PSMD11: variants seen among roughly 807,000 people sequenced by gnomAD.
PSMD11 encodes the protein 26S proteasome non-ATPase regulatory subunit 11.
In PSMD11, 5 loss-of-function variants were observed where a neutral mutation model predicts 62.3. The observed-to-expected ratio is 0.08, with a 90% CI of 0.04 to 0.17. The LOEUF is 0.17. PSMD11 is among the 10% of genes least tolerant of loss of function. The pLI, the probability that PSMD11 is intolerant of heterozygous loss-of-function variation, is 1.00. For synonymous variants in PSMD11, 191 were observed against 191.8 expected (o/e 1.00, Z 0.03); for missense variants, 310 against 512.9 (o/e 0.60, Z 3.82).
chr17:32,473,936 T>C lies in PSMD11; in HGVS notation c.779T>C (p.Met260Thr), dbSNP rs538012652. ...SLKYMLLCKI[M>T]LNTPEDVQAL... ...AAGTACATGTTGCTGTGCAAAATCA[T>C]GCTCAACACGTAGGTGCACCTTAAC... The change falls in exon 7 of 14, where the codon ATG becomes ACG. Residue 260 changes from methionine (M) to threonine (T), a missense_variant. Coordinates refer to ENST00000261712, the MANE Select transcript of PSMD11 (RefSeq NM_002815.4). 1 of 1,614,178 alleles carries C rather than the reference T, an allele frequency of 6.2e-7. No individual in the cohort carries two copies. Among genetic ancestry groups the C allele is most frequent in the South Asian group, 1.1e-5 (1 of 91,078 alleles).
Position 32,446,951 on chromosome 17 carries a change from G to A in PSMD11, c.98G>A (p.Arg33His). 3.1e-6 allele frequency: 5 copies of A among 1,609,088 alleles called. No individual in the cohort carries two copies. Among genetic ancestry groups the A allele is most frequent in the Non-Finnish European group, 4.2e-6 (5 of 1,177,406 alleles). The change falls in exon 2 of 14, where the codon CGT (arginine) becomes CAT (histidine). Residue 33 changes from arginine to histidine, a missense_variant. By Grantham distance (29) the Arg-to-His change is conservative (BLOSUM62 0). Around this residue, in one of 6 missense-constraint regions of PSMD11, gnomAD observed 50 missense variants for 94.4 expected, o/e 0.53. Coordinates refer to ENST00000261712, the MANE Select transcript of PSMD11 (RefSeq NM_002815.4). ...SIDILHSIVK[R>H]DIQENDEEAV... ...TTGCATTTTCCTCTCCCAGTGAAGC[G>A]TGACATTCAGGAAAACGATGAAGAG...
intron 5 of PSMD11, among the ~76,000 whole-genome samples, chr17:32,467,005 C>T (rs1165122779): frequency 3.3e-5 from 5 of 152,028 alleles, no homozygotes; most frequent in Admixed American, 6.5e-5. Flanking sequence ...AGTGCAGTGG[C>T]GTGATCTTGG....
chr17:32,475,385 G>A (rs1908287783), intron 8 of PSMD11, among the ~76,000 whole-genome samples: 1 of 151,520 alleles, frequency 6.6e-6, no homozygotes, highest in Non-Finnish European at 1.5e-5. Context: ...TGACTTCTGA[G>A]AGCAGACAGT....
At chr17:32,463,179 T>C (rs1254289061) in intron 3 of PSMD11, among the ~76,000 whole-genome samples, 6 of 152,350 alleles carry the variant, frequency 3.9e-5, no homozygotes, top group East Asian at 1.9e-4. Context: ...AAAGCTAGCA[T>C]GTCAGGGATA....
intron 3 of PSMD11, chr17:32,454,890 C>T (rs1296825731): frequency 1.2e-5 from 4 of 322,408 alleles, no homozygotes; most frequent in Non-Finnish European, 2.3e-5. Flanking sequence ...ATTGTATTGC[C>T]ACACCTTTGT....
At chr17:32,480,349 A>C in intron 12 of PSMD11, 140 bp from the exon 13 acceptor site, 3 of 1,442,202 alleles carry the variant, frequency 2.1e-6, no homozygotes, top group Non-Finnish European at 2.9e-6. Context: ...TGTAATAAGC[A>C]TGTGTACATG....
At position 32,469,019 on chromosome 17, in the gene PSMD11, T is replaced by C. The variant is rs1462433253; in HGVS notation, c.469T>C (p.Leu157=). ...LHLGSQLLRE[L]KKMDDKALLV... is the part of the protein sequence containing the mutation. ...TTCAGGTTCTCAGCTGCTGCGGGAG[T>C]TGAAAAAGATGGACGACAAAGCTCT... Residue 157 remains leucine, a synonymous_variant, in exon 6 of 14, where the codon TTG becomes CTG. Coordinates refer to ENST00000261712, the MANE Select transcript of PSMD11 (RefSeq NM_002815.4). 5 of 1,613,230 alleles carry C rather than the reference T, an allele frequency of 3.1e-6. No individual in the cohort carries two copies. Among genetic ancestry groups the C allele is most frequent in the Non-Finnish European group, 4.2e-6 (5 of 1,179,788 alleles).
At chr17:32,459,432 T>G (rs1907758440) in intron 3 of PSMD11, among the ~76,000 whole-genome samples, 1 of 151,936 alleles carries the variant, frequency 6.6e-6, no homozygotes. Flanking sequence ...GAGATGGGAT[T>G]TTGCTATGTT....
chr17:32,451,824 G>A (rs1338971814), intron 2 of PSMD11, among the ~76,000 whole-genome samples: 2 of 152,010 alleles, frequency 1.3e-5, no homozygotes, highest in Non-Finnish European at 2.9e-5. Context: ...CTGCAGCCTC[G>A]ACCTCCTGGG....
At chr17:32,471,345 A>G (rs1383031364) in intron 6 of PSMD11, among the ~76,000 whole-genome samples, 4 of 152,222 alleles carry the variant, frequency 2.6e-5, no homozygotes, top group Non-Finnish European at 5.9e-5. Context: ...CAACTATGGT[A>G]TATCAGTCTG....
intron 5 of PSMD11, among the ~76,000 whole-genome samples, chr17:32,466,158 G>C (rs774948762): frequency 6.6e-6 from 1 of 152,122 alleles, no homozygotes; most frequent in Non-Finnish European, 1.5e-5. Flanking sequence ...ACCATGCCTG[G>C]CTAATTTTTG....
rs1408517676 is a variant in PSMD11 at position 32,464,110 on chromosome 17, A to C, written c.380A>C (p.Gln127Pro). Reference protein sequence around the residue: ...AKSEKRTFLRQALEARLVSLY... With the variant: ...AKSEKRTFLRPALEARLVSLY... ...TCAGAGAAAAGAACTTTCTTACGCC[A>C]AGCTTTGGAGGTAGGTTTTACATTA... is the stretch of plus-strand genomic sequence containing the variant. The change falls in exon 4 of 14, where the codon CAA becomes CCA. Residue 127 changes from glutamine to proline, a missense_variant. Gln to Pro is a moderately conservative substitution (Grantham distance 76). Transcript: ENST00000261712. The C allele has an allele frequency of 1.2e-6, 2 of 1,613,750 alleles. No individual in the cohort carries two copies. Among genetic ancestry groups the C allele is most frequent in the Non-Finnish European group, 1.7e-6 (2 of 1,179,756 alleles).
Position 32,479,304 on chromosome 17 carries a change from C to G in PSMD11, c.966C>G (p.His322Gln). 6.2e-7 allele frequency: 1 copy of G among 1,614,208 alleles called. No individual in the cohort carries two copies. Among genetic ancestry groups the G allele is most frequent in the Non-Finnish European group, 8.5e-7 (1 of 1,180,030 alleles). Residue 322 changes from histidine (H) to glutamine (Q), a missense_variant, in exon 10 of 14, where the codon CAC becomes CAG. Coordinates refer to ENST00000261712, the MANE Select transcript of PSMD11 (RefSeq NM_002815.4). ...ELRDDPIIST[H>Q]LAKLYDNLLE... ...GGGATGACCCAATCATCAGCACACA[C>G]TTGGCCAAGTTGTATGATAACTTAC...
At chr17:32,452,154 C>T (rs764862329) in intron 2 of PSMD11, among the ~76,000 whole-genome samples, 1 of 152,142 alleles carries the variant, frequency 6.6e-6, no homozygotes, top group Non-Finnish European at 1.5e-5. Flanking sequence ...TTGTGTGTGA[C>T]TGGCTGAGTT....
intron 5 of PSMD11, among the ~76,000 whole-genome samples, chr17:32,467,583 C>A (rs888694187): frequency 1.3e-5 from 2 of 152,116 alleles, no homozygotes; most frequent in Non-Finnish European, 2.9e-5. Flanking sequence ...TATTCAGATC[C>A]TTTGCTTATT....
chr17:32,464,116 T>G lies in PSMD11; in HGVS notation c.386T>G (p.Leu129Trp). The stretch of plus-strand genomic sequence containing the variant: ...AAAAGAACTTTCTTACGCCAAGCTT[T>G]GGAGGTAGGTTTTACATTAGTACTC... ...SEKRTFLRQALEARLVSLYFD... is the reference protein window; with the variant it reads ...SEKRTFLRQAWEARLVSLYFD... Residue 129 changes from leucine (L) to tryptophan (W), a missense_variant, in exon 4 of 14, where the codon TTG becomes TGG. Transcript: ENST00000261712. The G allele has an allele frequency of 1.2e-6, 2 of 1,613,464 alleles. No individual in the cohort carries two copies. Among genetic ancestry groups the G allele is most frequent in the Non-Finnish European group, 1.7e-6 (2 of 1,179,372 alleles).
chr17:32,466,495 G>A (rs1320174364), intron 5 of PSMD11, among the ~76,000 whole-genome samples: 4 of 152,178 alleles, frequency 2.6e-5, no homozygotes, highest in African/African-American at 9.7e-5. Context: ...GCATGTGTCA[G>A]TACTTCATTC....
In PSMD11 at chr17:32,474,836, C is replaced by A; in HGVS notation, c.849+12C>A. ...ATGCAGGGAGGCAGGTAGGGACTCC[C>A]TTGACTGCAGTTCTGCTCACTCTGA... On this transcript the variant is annotated intron_variant, in intron 8 of 13. Coordinates refer to ENST00000261712, the MANE Select transcript of PSMD11 (RefSeq NM_002815.4). The A allele has an allele frequency of 6.2e-7, 1 of 1,611,858 alleles. No individual in the cohort carries two copies. Among genetic ancestry groups the A allele is most frequent in the Non-Finnish European group, 8.5e-7 (1 of 1,178,024 alleles).
intron 2 of PSMD11, among the ~76,000 whole-genome samples, chr17:32,451,176 AT>A (rs991336105): frequency 3.0e-4 from 46 of 152,164 alleles, no homozygotes; most frequent in African/African-American, 1.1e-3. Context: ...CTAAGAGATC[AT>A]TTGCTTCTTT....
Sources: gnomAD v4.1 joint callset for allele counts (sites outside exome capture counted in the v4.1 genomes callset) on GRCh38, gnomAD v4.1.1 for gene constraint, gnomAD v4.1.1 regional missense constraint, MANE v1.5 for transcripts, NCBI Gene and HGNC (gene_info 2026-07-23, HGNC 2026-07-21) for gene names.